Variants in MAP3K5 observed in about 807,000 individuals in gnomAD.
The protein encoded by MAP3K5 is mitogen-activated protein kinase kinase kinase 5, also known as ASK-1.
In MAP3K5, 56 loss-of-function variants were observed where a neutral mutation model predicts 158.7. That is an observed-to-expected ratio of 0.35 (90% CI 0.28 to 0.44). The LOEUF is 0.44. Among genes scored for constraint, MAP3K5 ranks in the 20% least tolerant of loss-of-function variants. The pLI is 1.00. For missense variants in MAP3K5, 1,294 were observed against 1,674.8 expected (o/e 0.77, Z 3.97); for synonymous variants, 579 against 601.7 (o/e 0.96, Z 0.55).
At chr6:136,593,941 C>T (rs780109590) in intron 21 of MAP3K5, among the ~76,000 whole-genome samples, 23 of 152,108 alleles carry the variant, frequency 1.5e-4, no homozygotes, top group Admixed American at 2.6e-4. Flanking sequence ...TCAGCTGTAG[C>T]GAGAAAGACG....
At chr6:136,763,112 C>T (rs1368055392) in intron 1 of MAP3K5, among the ~76,000 whole-genome samples, 1 of 152,196 alleles carries the variant, frequency 6.6e-6, no homozygotes. Context: ...CCCACCTCAG[C>T]CTCTCAAATA....
At position 136,592,491 on chromosome 6, in the gene MAP3K5, C is replaced by G; in HGVS notation, c.3002G>C (p.Arg1001Thr). The change falls in exon 22 of 30, where the codon AGA becomes ACA. Residue 1001 changes from arginine to threonine, a missense_variant. This residue lies in a region of MAP3K5 where 362 missense variants were observed against 463.2 expected (regional missense o/e 0.78). Transcript: ENST00000359015. ...LKVDPFSFKT[R>T]AKSCGERDVK... ...ATCTCTTTCTCCGCAGGACTTGGCT[C>G]TTGTTTTGAAAGAGAAGGGGTCCAC... is the stretch of plus-strand genomic sequence containing the variant. The G allele has an allele frequency of 6.2e-7, 1 of 1,614,032 alleles. No individual in the cohort carries two copies. Among genetic ancestry groups the G allele is most frequent in the Non-Finnish European group, 8.5e-7 (1 of 1,180,010 alleles).
At chr6:136,783,931 T>A (rs1432487278) in intron 1 of MAP3K5, among the ~76,000 whole-genome samples, 3 of 152,152 alleles carry the variant, frequency 2.0e-5, no homozygotes, top group African/African-American at 4.8e-5. Flanking sequence ...ACAAAGAAAG[T>A]GTGAACCAAT....
At chr6:136,598,979 T>C (rs950662123) in intron 21 of MAP3K5, among the ~76,000 whole-genome samples, 7 of 152,192 alleles carry the variant, frequency 4.6e-5, no homozygotes, top group Admixed American at 4.6e-4. Flanking sequence ...CAGACCAGCC[T>C]GGCCAACATG....
chr6:136,697,229 C>T lies in MAP3K5; in HGVS notation c.965G>A (p.Arg322Lys). 1 of 1,612,574 alleles carries T rather than the reference C, an allele frequency of 6.2e-7. No individual in the cohort carries two copies. The highest frequency in any genetic ancestry group is 1.1e-5 in the South Asian group (1 of 90,810). ...DIVINLLLSY[R>K]DIQDYDSIVK... The stretch of plus-strand genomic sequence containing the variant: ...TAAACATCTTCTCACCTGGATATCT[C>T]TGTAGGAAAGTAACAGATTTATGAC... The change falls in exon 5 of 30, where the codon AGA becomes AAA. Residue 322 changes from arginine (R) to lysine (K), a missense_variant. This residue lies in a region of MAP3K5 where 690 missense variants were observed against 870.5 expected (regional missense o/e 0.79). Transcript: ENST00000359015.
At chr6:136,791,140 T>C (rs1785056711) in intron 1 of MAP3K5, among the ~76,000 whole-genome samples, 1 of 152,322 alleles carries the variant, frequency 6.6e-6, no homozygotes, top group African/African-American at 2.4e-5. Flanking sequence ...TTGGAAGCAC[T>C]GTAATTACTT....
At chr6:136,652,810 C>G (rs1390134937) in intron 10 of MAP3K5, among the ~76,000 whole-genome samples, 1 of 152,204 alleles carries the variant, frequency 6.6e-6, no homozygotes, top group Admixed American at 6.5e-5. Context: ...GTAACTATCA[C>G]TGTCTAATAT....
In MAP3K5 at chr6:136,561,668, T is replaced by C. The variant is rs372255978; in HGVS notation, c.3875-23A>G. 9.1e-4 allele frequency: 1,244 copies of C among 1,359,780 alleles called. 2 individuals carry two copies. The highest frequency in any genetic ancestry group is 1.2e-3 in the Non-Finnish European group (1,178 of 948,248). The allele number at this position is 1,359,780 out of a possible 1,614,324, so 84.2% of individuals were successfully genotyped here. On this transcript the variant is annotated intron_variant, in intron 27 of 29. Coordinates refer to ENST00000359015, the MANE Select transcript of MAP3K5 (RefSeq NM_005923.4). The stretch of plus-strand genomic sequence containing the variant: ...TTTCTAGAACAGAATTTTGGGAAGA[T>C]ATTCTTAATTTCACCTAACAGAGGT...
chr6:136,583,911 T>C (rs889971694), intron 23 of MAP3K5, among the ~76,000 whole-genome samples, 171 bp from the exon 24 acceptor site: 4 of 152,000 alleles, frequency 2.6e-5, no homozygotes, highest in African/African-American at 9.7e-5. Flanking sequence ...GAGCCTCCCA[T>C]CACTACTTCC....
At chr6:136,612,606 AAG>A (rs1171526136) in intron 17 of MAP3K5, among the ~76,000 whole-genome samples, 1 of 152,222 alleles carries the variant, frequency 6.6e-6, no homozygotes, top group Non-Finnish European at 1.5e-5. Flanking sequence ...TCTTTTTAAA[AAG>A]AGAATGTAAA....
chr6:136,653,178 T>C (rs1285789209), intron 10 of MAP3K5, among the ~76,000 whole-genome samples: 1 of 152,118 alleles, frequency 6.6e-6, no homozygotes, highest in African/African-American at 2.4e-5. Flanking sequence ...GTCTCCAAAC[T>C]TTTCAATGTA....
At chr6:136,636,774 C>A in intron 14 of MAP3K5, 4 of 931,358 alleles carry the variant, frequency 4.3e-6, no homozygotes, top group Non-Finnish European at 5.1e-6. Flanking sequence ...GAGAACAAGT[C>A]TCTATAAAAA....
At chr6:136,669,026 T>G (rs1267746749) in intron 8 of MAP3K5, among the ~76,000 whole-genome samples, 4 of 152,202 alleles carry the variant, frequency 2.6e-5, no homozygotes, top group African/African-American at 4.8e-5. Flanking sequence ...TCCTCAATAT[T>G]AGTTTGAGCT....
At chr6:136,725,885 G>A (rs1016691251) in intron 1 of MAP3K5, among the ~76,000 whole-genome samples, 1 of 152,178 alleles carries the variant, frequency 6.6e-6, no homozygotes, top group Non-Finnish European at 1.5e-5. Flanking sequence ...TGTGAGGCAT[G>A]GGTCAAGATT....
intron 1 of MAP3K5, among the ~76,000 whole-genome samples, chr6:136,758,386 A>C (rs752515231): frequency 4.4e-4 from 67 of 152,248 alleles, no homozygotes; most frequent in Non-Finnish European, 8.8e-4. Context: ...ACATATGATG[A>C]AAACTGAACG....
At chr6:136,646,253 C>CAA (rs1344337079) in intron 11 of MAP3K5, among the ~76,000 whole-genome samples, 1 of 152,056 alleles carries the variant, frequency 6.6e-6, no homozygotes, top group Non-Finnish European at 1.5e-5. Context: ...TCCTCCTGAT[C>CAA]AAAAGATGGT....
intron 25 of MAP3K5, among the ~76,000 whole-genome samples, chr6:136,568,454 C>A (rs1003947740): frequency 1.3e-5 from 2 of 152,110 alleles, no homozygotes; most frequent in Non-Finnish European, 1.5e-5. Flanking sequence ...ACTATTGGGC[C>A]GATTTCTAGT....
In MAP3K5 at chr6:136,751,150, CT is replaced by C. The variant is rs10690202; in HGVS notation, c.449-30562del. 7.9e-3 allele frequency among the ~76,000 whole-genome samples: 1,089 copies of C among 138,428 alleles called. 2 individuals carry two copies. Among genetic ancestry groups the C allele is most frequent in the African/African-American group, 0.021 (798 of 37,996 alleles). The allele number at this position is 138,428 out of a possible 152,430, so 90.8% of individuals were successfully genotyped here. A position where few individuals can be genotyped will look rare whatever the true frequency, so the allele number is the denominator to read the frequency against. On this transcript the variant is annotated intron_variant, in intron 1 of 29. Coordinates refer to ENST00000359015, the MANE Select transcript of MAP3K5 (RefSeq NM_005923.4). ...TCTGCTTCTCTGTGGGCTCTGGCTG[CT>C]TTTTTTTTTTTTGGCTTATGATTTT...
intron 1 of MAP3K5, among the ~76,000 whole-genome samples, chr6:136,758,256 T>C (rs973417674): frequency 2.0e-5 from 3 of 152,248 alleles, no homozygotes; most frequent in Admixed American, 6.5e-5. Context: ...TCTTATATAA[T>C]ATTTTAGAGC....
Sources: gnomAD v4.1 joint callset for allele counts (sites outside exome capture counted in the v4.1 genomes callset) on GRCh38, gnomAD v4.1.1 for gene constraint, gnomAD v4.1.1 regional missense constraint, MANE v1.5 for transcripts, NCBI Gene and HGNC (gene_info 2026-07-23, HGNC 2026-07-21) for gene names.